Variants in CEP95 observed in about 807,000 individuals in gnomAD.
CEP95 encodes the protein centrosomal protein 95, also known as centrosomal protein of 95 kDa.
A neutral mutation model predicts 111.2 loss-of-function variants in CEP95; 98 were observed. The observed-to-expected ratio is 0.88, with a 90% confidence interval of 0.75 to 1.04. The LOEUF is 1.04. Among genes scored for constraint, CEP95 ranks in the 50% least tolerant of loss-of-function variants. The pLI is 0.00. For missense variants in CEP95, 1,027 were observed against 977.2 expected (o/e 1.05, Z -0.68); for synonymous variants, 323 against 327.1 (o/e 0.99, Z 0.14).
Position 64,510,202 on chromosome 17 carries a change from G to A in CEP95, c.178G>A (p.Asp60Asn). The change falls in exon 3 of 20, where the codon GAT becomes AAT. Residue 60 changes from aspartate to asparagine, a missense_variant. Asp to Asn is a conservative substitution (Grantham distance 23). Coordinates refer to ENST00000556440, the MANE Select transcript of CEP95 (RefSeq NM_138363.3). ...CATAGTTATTCCTAGGAGTCAAGAA[G>A]ATGATGCACACAATGTACAAGCAGT... is the stretch of plus-strand genomic sequence containing the variant. ...DLIVIPRSQE[D>N]DAHNVQAVID... is the part of the protein sequence containing the mutation. 6 of 1,610,968 alleles carry A rather than the reference G, an allele frequency of 3.7e-6. No individual in the cohort carries two copies. Among genetic ancestry groups the A allele is most frequent in the South Asian group, 2.2e-5 (2 of 90,396 alleles).
chr17:64,534,785 T>TA, intron 17 of CEP95, 48 bp downstream of exon 17: 1 of 1,582,744 alleles, frequency 6.3e-7, no homozygotes, highest in Non-Finnish European at 8.6e-7. Context: ...TGAACTTTGT[T>TA]ATCTTTCAGG....
chr17:64,525,373 G>C (rs59185722), intron 8 of CEP95, among the ~76,000 whole-genome samples: 6,050 of 152,174 alleles, frequency 0.04, 249 homozygotes, highest in Admixed American at 0.13. Flanking sequence ...CATATTTTGA[G>C]AGGTGTTGTC....
intron 11 of CEP95, among the ~76,000 whole-genome samples, chr17:64,529,034 T>A (rs1376588968): frequency 6.6e-6 from 1 of 152,232 alleles, no homozygotes; most frequent in Non-Finnish European, 1.5e-5. Flanking sequence ...CATAGTCCTT[T>A]GTGCATAGGA....
At chr17:64,537,409 A>G in intron 19 of CEP95, 194 bp from the exon 20 acceptor site, 1 of 1,377,296 alleles carries the variant, frequency 7.3e-7, no homozygotes, top group Non-Finnish European at 9.4e-7. Context: ...GAAGACTAAT[A>G]AGGCAATCCA....
intron 6 of CEP95, among the ~76,000 whole-genome samples, chr17:64,520,290 T>G (rs571044037): frequency 1.3e-5 from 2 of 152,268 alleles, no homozygotes; most frequent in East Asian, 3.9e-4. Flanking sequence ...AGTAATGCAA[T>G]TAAGGCAAAG....
In CEP95 at chr17:64,507,045, C is replaced by T; in HGVS notation, c.-53C>T. On this transcript the variant is annotated 5_prime_UTR_variant, in exon 1 of 20. Transcript: ENST00000556440. Reference sequence around the variant, plus strand: ...TCTGCGTGGATCGGTCCTTCCAGGACACCGTCGCCTTCCCGGCCGCGTCGG... The same window carrying T: ...TCTGCGTGGATCGGTCCTTCCAGGATACCGTCGCCTTCCCGGCCGCGTCGG... 2.6e-6 allele frequency: 4 copies of T among 1,549,522 alleles called. No individual in the cohort carries two copies. Among genetic ancestry groups the T allele is most frequent in the East Asian group, 2.4e-5 (1 of 40,920 alleles).
intron 3 of CEP95, among the ~76,000 whole-genome samples, chr17:64,510,948 A>G (rs1245650488): frequency 6.6e-6 from 1 of 152,184 alleles, no homozygotes; most frequent in East Asian, 1.9e-4. Context: ...AAAAGAGAGA[A>G]ATTTTAAAGC....
At chr17:64,519,286 G>A (rs782079594) in intron 5 of CEP95, 35 bp from the exon 6 acceptor site, 6 of 1,478,396 alleles carry the variant, frequency 4.1e-6, no homozygotes, top group Non-Finnish European at 5.7e-6. Context: ...CCTCTGGTCA[G>A]GCTGGGCCCT....
chr17:64,528,038 C>T (rs1384561209), intron 11 of CEP95, among the ~76,000 whole-genome samples: 4 of 152,004 alleles, frequency 2.6e-5, no homozygotes, highest in African/African-American at 9.7e-5. Flanking sequence ...AGTAGGATTG[C>T]TGGATCATAA....
chr17:64,521,755 T>A (rs1177664789), intron 7 of CEP95, among the ~76,000 whole-genome samples: 2 of 152,148 alleles, frequency 1.3e-5, no homozygotes, highest in African/African-American at 4.8e-5. Context: ...TCTCACCACT[T>A]ACCTTTTTTT....
At chr17:64,530,885 A>T (rs1407571835) in intron 12 of CEP95, 41 bp from the exon 13 acceptor site, 25 of 1,191,944 alleles carry the variant, frequency 2.1e-5, no homozygotes, top group Non-Finnish European at 3.0e-5. Context: ...CCCGTTGTGT[A>T]TGTTTTTAAT....
chr17:64,533,108 C>G lies in CEP95; in HGVS notation c.1843-9C>G. The G allele has an allele frequency of 1.9e-6, 3 of 1,606,796 alleles. No individual in the cohort carries two copies. Among genetic ancestry groups the G allele is most frequent in the Non-Finnish European group, 2.5e-6 (3 of 1,177,688 alleles). On this transcript the variant is annotated splice_polypyrimidine_tract_variant and intron_variant, in intron 15 of 19. Transcript: ENST00000556440. ...TATTAACCTACTTAACTTCATGTCC[C>G]CCTTCAAGATAGAAGAAGCCCTAAG...
chr17:64,530,001 C>T (rs1283116388), intron 12 of CEP95, among the ~76,000 whole-genome samples: 1 of 152,184 alleles, frequency 6.6e-6, no homozygotes, highest in Admixed American at 6.5e-5. Context: ...CAGCATGTAA[C>T]TTCCACTCAG....
At chr17:64,508,402 G>T (rs1183171077) in intron 1 of CEP95, 190 bp from the exon 2 acceptor site, 11 of 984,068 alleles carry the variant, frequency 1.1e-5, no homozygotes, top group Non-Finnish European at 1.3e-5. Flanking sequence ...ATCATCCCAA[G>T]AAATTAAATA....
chr17:64,508,034 A>G, intron 1 of CEP95: 1 of 985,368 alleles, frequency 1.0e-6, no homozygotes. Flanking sequence ...ATAATAAAAA[A>G]GAAAAACTAA....
chr17:64,523,063 G>A (rs1555678373), intron 8 of CEP95, among the ~76,000 whole-genome samples, 168 bp downstream of exon 8: 1 of 152,122 alleles, frequency 6.6e-6, no homozygotes, highest in African/African-American at 2.4e-5. Context: ...GAATTGTCAA[G>A]CATATTGCAC....
Position 64,537,610 on chromosome 17 carries a change from A to AT in CEP95, c.2298dup (p.Lys767Ter). 6.2e-7 allele frequency: 1 copy of AT among 1,603,368 alleles called. No homozygotes were observed. Among genetic ancestry groups the AT allele is most frequent in the Non-Finnish European group, 8.5e-7 (1 of 1,173,122 alleles). On this transcript the variant is annotated frameshift_variant, in exon 20 of 20. Transcript: ENST00000556440. LOFTEE classifies it high-confidence loss of function. The stretch of plus-strand genomic sequence containing the variant: ...CATGCCTTCTTTTTTCAGACATTAC[A>AT]TAAGGTGAAGAGGGAGCTGAGATCT...
At chr17:64,532,735 A>G in intron 14 of CEP95, 104 bp from the exon 15 acceptor site, 2 of 1,471,378 alleles carry the variant, frequency 1.4e-6, no homozygotes, top group Non-Finnish European at 1.8e-6. Context: ...TGTTCTTTTC[A>G]GGATCAAAAC....
Position 64,507,901 on chromosome 17 carries a change from G to A in CEP95, c.20-691G>A, listed in dbSNP as rs797024958. The A allele has an allele frequency of 5.4e-5, 53 of 985,388 alleles. No homozygotes were observed. In the African/African-American group the frequency reaches 8.4e-4, roughly 16 times the overall value. The allele number at this position is 985,388 out of a possible 1,614,324, so 61.0% of individuals were successfully genotyped here. ...CTAAGTTACTTTTGGTACAGAAACCGTTAAACTTTGCAAATCCCAGCAATA... is the reference window on the plus strand; with the variant it reads ...CTAAGTTACTTTTGGTACAGAAACCATTAAACTTTGCAAATCCCAGCAATA... On this transcript the variant is annotated intron_variant, in intron 1 of 19. Coordinates refer to ENST00000556440, the MANE Select transcript of CEP95 (RefSeq NM_138363.3).
Sources: allele counts gnomAD v4.1 joint callset (sites outside exome capture counted in the v4.1 genomes callset), GRCh38; gene constraint gnomAD v4.1.1; transcripts MANE v1.5; gene names NCBI Gene and HGNC (gene_info 2026-07-23, HGNC 2026-07-21).